Variants in LRFN5 observed in about 807,000 individuals in gnomAD.
LRFN5 encodes the protein leucine rich repeat and fibronectin type III domain containing 5.
A neutral mutation model predicts 45.6 loss-of-function variants in LRFN5; 24 were observed. The observed-to-expected ratio is 0.53, with a 90% CI of 0.38 to 0.74. The LOEUF is 0.74. Among genes scored for constraint, LRFN5 ranks in the 30% least tolerant of loss-of-function variants. The pLI is 0.00. For missense variants in LRFN5, 776 were observed against 861.5 expected, an observed-to-expected ratio of 0.90 and a Z score of 1.24; for synonymous variants, 340 against 313.8, an observed-to-expected ratio of 1.08 and a Z score of -0.88.
chr14:41,629,439 T>C (rs1888460814), intron 1 of LRFN5, among the ~76,000 whole-genome samples: 1 of 152,238 alleles, frequency 6.6e-6, no homozygotes, highest in East Asian at 1.9e-4. Flanking sequence ...TTTCACTCTC[T>C]TCAACACACT....
chr14:41,886,019 C>CAAAAA lies in LRFN5; in HGVS notation c.-20-570_-20-566dup, dbSNP rs35648547. Among the ~76,000 whole-genome samples the CAAAAA allele has an allele frequency of 1.3e-3, 113 of 88,658 alleles. 1 individual carries two copies. The highest frequency in any genetic ancestry group is 3.1e-3 in the African/African-American group (67 of 21,292). The allele number at this position is 88,658 out of a possible 152,430, so 58.2% of individuals were successfully genotyped here. Reference sequence around the variant, plus strand: ...CTGGGCAACAAAGCAAGGCTCGTCTCAAAAAAAAAAAAAAAAAAAAATAGT... The same window carrying CAAAAA: ...CTGGGCAACAAAGCAAGGCTCGTCTCAAAAAAAAAAAAAAAAAAAAAAAAAATAGT... On this transcript the variant is annotated intron_variant, in intron 2 of 5. Coordinates refer to ENST00000298119, the MANE Select transcript of LRFN5 (RefSeq NM_152447.5).
chr14:41,694,237 A>G (rs1261317985), intron 1 of LRFN5, among the ~76,000 whole-genome samples: 1 of 151,950 alleles, frequency 6.6e-6, no homozygotes. Context: ...TATACAGTAC[A>G]TTATCATTGA....
intron 2 of LRFN5, among the ~76,000 whole-genome samples, chr14:41,816,084 T>C (rs1267033931): frequency 6.6e-6 from 1 of 152,096 alleles, no homozygotes; most frequent in Non-Finnish European, 1.5e-5. Flanking sequence ...GTGAGTTTTA[T>C]ATTTCTATTT....
chr14:41,810,925 G>C (rs988603521), intron 2 of LRFN5, among the ~76,000 whole-genome samples: 4 of 67,570 alleles, frequency 5.9e-5, no homozygotes, highest in Middle Eastern at 6.2e-3. Context: ...AGACTTGATG[G>C]TTGTGGTTTT....
intron 1 of LRFN5, among the ~76,000 whole-genome samples, chr14:41,708,769 T>C (rs1883168730): frequency 6.6e-6 from 1 of 151,900 alleles, no homozygotes; most frequent in Non-Finnish European, 1.5e-5. Flanking sequence ...GACTAGTAGC[T>C]AGATACAAGA....
intron 2 of LRFN5, among the ~76,000 whole-genome samples, chr14:41,774,543 A>G (rs929555674): frequency 2.0e-5 from 3 of 152,226 alleles, no homozygotes; most frequent in African/African-American, 7.2e-5. Flanking sequence ...GATTTGTAAT[A>G]TGAAATGAAT....
chr14:41,695,089 T>C (rs1882547945), intron 1 of LRFN5, among the ~76,000 whole-genome samples: 1 of 151,930 alleles, frequency 6.6e-6, no homozygotes, highest in Non-Finnish European at 1.5e-5. Flanking sequence ...AACAACCATA[T>C]TGCTGATATG....
At chr14:41,690,101 A>G (rs1163080058) in intron 1 of LRFN5, among the ~76,000 whole-genome samples, 1 of 152,200 alleles carries the variant, frequency 6.6e-6, no homozygotes, top group Non-Finnish European at 1.5e-5. Flanking sequence ...TCCTTTATGA[A>G]TACAGATGCC....
At chr14:41,870,469 G>A (rs1221193446) in intron 2 of LRFN5, among the ~76,000 whole-genome samples, 1 of 152,150 alleles carries the variant, frequency 6.6e-6, no homozygotes, top group Non-Finnish European at 1.5e-5. Flanking sequence ...AAGTAAATGA[G>A]GAGCAAAGTC....
At chr14:41,798,607 C>T (rs1887215327) in intron 2 of LRFN5, among the ~76,000 whole-genome samples, 1 of 151,974 alleles carries the variant, frequency 6.6e-6, no homozygotes, top group Non-Finnish European at 1.5e-5. Context: ...GTTAGACTTT[C>T]AGCAAGCCCT....
At position 41,798,615 on chromosome 14, in the gene LRFN5, C is replaced by G. The variant is rs117447144; in HGVS notation, c.-21+31586C>G. Among the ~76,000 whole-genome samples the G allele has an allele frequency of 3.3e-5, 5 of 152,006 alleles. No individual in the cohort carries two copies. In the South Asian group the frequency reaches 1.0e-3, roughly 32 times the overall value. The stretch of plus-strand genomic sequence containing the variant: ...ATGCATTGTTAGACTTTCAGCAAGC[C>G]CTTCTAGTCAGAAATAGTGTAATCT... On this transcript the variant is annotated intron_variant, in intron 2 of 5. Coordinates refer to ENST00000298119, the MANE Select transcript of LRFN5 (RefSeq NM_152447.5).
chr14:41,885,575 G>C (rs558009697), intron 2 of LRFN5, among the ~76,000 whole-genome samples: 1 of 152,168 alleles, frequency 6.6e-6, no homozygotes, highest in South Asian at 2.1e-4. Context: ...TTAAGTGAAA[G>C]CACTGACGGC....
intron 1 of LRFN5, among the ~76,000 whole-genome samples, chr14:41,673,681 C>G (rs1029496839): frequency 1.0e-4 from 15 of 145,632 alleles, no homozygotes; most frequent in Non-Finnish European, 2.3e-4. Context: ...GCTGACCCCC[C>G]CACCTCCCTC....
chr14:41,728,422 A>G (rs1476478711), intron 1 of LRFN5, among the ~76,000 whole-genome samples: 1 of 152,186 alleles, frequency 6.6e-6, no homozygotes, highest in South Asian at 2.1e-4. Context: ...TCTCAAGGAA[A>G]AAGAAAACAC....
intron 1 of LRFN5, among the ~76,000 whole-genome samples, chr14:41,674,489 C>T (rs1164714938): frequency 1.4e-5 from 2 of 146,046 alleles, no homozygotes; most frequent in Non-Finnish European, 3.0e-5. Flanking sequence ...GACGGGGTGG[C>T]TGGCCGGGCG....
chr14:41,837,167 G>C (rs963940599), intron 2 of LRFN5, among the ~76,000 whole-genome samples: 1 of 105,812 alleles, frequency 9.5e-6, no homozygotes, highest in Admixed American at 1.6e-4. Context: ...AAGGGAATTT[G>C]AAGAATTATC....
At chr14:41,627,265 C>A (rs1481264318) in intron 1 of LRFN5, among the ~76,000 whole-genome samples, 1 of 151,966 alleles carries the variant, frequency 6.6e-6, no homozygotes, top group Non-Finnish European at 1.5e-5. Flanking sequence ...TTTCATTATC[C>A]CTAAAAGGAA....
intron 1 of LRFN5, among the ~76,000 whole-genome samples, chr14:41,730,870 C>T (rs1884143647): frequency 1.3e-5 from 2 of 151,540 alleles, no homozygotes; most frequent in Non-Finnish European, 2.9e-5. Flanking sequence ...TTCCTTTCTC[C>T]GATCATTGGT....
intron 1 of LRFN5, among the ~76,000 whole-genome samples, chr14:41,672,958 C>T (rs1881303322): frequency 6.7e-6 from 1 of 149,482 alleles, no homozygotes; most frequent in Non-Finnish European, 1.5e-5. Flanking sequence ...TAAATATATC[C>T]TATTTTTCTA....
Sources: allele counts gnomAD v4.1 joint callset (sites outside exome capture counted in the v4.1 genomes callset), GRCh38; gene constraint gnomAD v4.1.1; transcripts MANE v1.5; gene names NCBI Gene and HGNC (gene_info 2026-07-23, HGNC 2026-07-21).